Variants in IFT88 observed in about 807,000 individuals in gnomAD.
IFT88 encodes intraflagellar transport protein 88 homolog.
In IFT88, 74 loss-of-function variants were observed where a neutral mutation model predicts 119.5. That is an observed-to-expected ratio of 0.62 (90% CI 0.51 to 0.75). IFT88 has a LOEUF of 0.75. IFT88 is among the 30% of genes least tolerant of loss of function. The pLI is 0.00. For synonymous variants in IFT88, 279 were observed against 316.7 expected, an observed-to-expected ratio of 0.88 and a Z score of 1.26; for missense variants, 961 against 977.7, an observed-to-expected ratio of 0.98 and a Z score of 0.23.
At chr13:20,644,738 A>G in intron 19 of IFT88, 105 bp from the exon 20 acceptor site, 2 of 587,900 alleles carry the variant, frequency 3.4e-6, no homozygotes, top group Non-Finnish European at 6.1e-6. Context: ...TCCTTTATTA[A>G]GAAATTCCAT....
At chr13:20,571,043 G>A (rs1361752440) in intron 1 of IFT88, among the ~76,000 whole-genome samples, 1 of 151,948 alleles carries the variant, frequency 6.6e-6, no homozygotes, top group Non-Finnish European at 1.5e-5. Flanking sequence ...GCCTAGGCAG[G>A]GGTGTGGTGG....
At chr13:20,677,521 C>G (rs1034404544) in intron 24 of IFT88, among the ~76,000 whole-genome samples, 29 of 152,124 alleles carry the variant, frequency 1.9e-4, no homozygotes, top group African/African-American at 6.8e-4. Context: ...GGGACAGGAG[C>G]AAAGGAAGAT....
At chr13:20,626,156 G>T (rs1455856395) in intron 15 of IFT88, among the ~76,000 whole-genome samples, 1 of 129,512 alleles carries the variant, frequency 7.7e-6, no homozygotes, top group East Asian at 2.7e-4. Context: ...TGCCTCCCGG[G>T]TTCACACCAT....
chr13:20,601,988 G>C (rs987546456), intron 12 of IFT88, 55 bp downstream of exon 12: 14 of 1,021,940 alleles, frequency 1.4e-5, no homozygotes, highest in African/African-American at 6.5e-5. Flanking sequence ...GTGCTTTTCT[G>C]TTTTCAGAAT....
intron 24 of IFT88, among the ~76,000 whole-genome samples, chr13:20,690,456 A>G (rs1333766616): frequency 2.0e-5 from 3 of 152,222 alleles, no homozygotes; most frequent in Non-Finnish European, 4.4e-5. Context: ...ATTGAAACCT[A>G]TAAGTAAGCA....
intron 3 of IFT88, among the ~76,000 whole-genome samples, chr13:20,589,419 G>A (rs1021914512): frequency 5.3e-5 from 8 of 152,114 alleles, no homozygotes; most frequent in Admixed American, 1.3e-4. Flanking sequence ...TTAAATAAAG[G>A]TATCTGTTAT....
chr13:20,608,152 G>A, intron 13 of IFT88: 1 of 426,568 alleles, frequency 2.3e-6, no homozygotes, highest in Non-Finnish European at 4.7e-6. Context: ...ACTATGACTT[G>A]TAGAGTCCAG....
At chr13:20,671,329 C>T (rs9506533) in intron 24 of IFT88, among the ~76,000 whole-genome samples, 59,776 of 152,032 alleles carry the variant, frequency 0.39, 13,734 homozygotes, top group Non-Finnish European at 0.52. Context: ...CATAGATGGG[C>T]GTACTTATGA....
At chr13:20,662,881 A>G (rs1369028927) in intron 22 of IFT88, among the ~76,000 whole-genome samples, 1 of 152,202 alleles carries the variant, frequency 6.6e-6, no homozygotes, top group African/African-American at 2.4e-5. Context: ...GAACTAAACA[A>G]TATGTCATCT....
At chr13:20,572,756 C>G (rs2036628153) in intron 1 of IFT88, among the ~76,000 whole-genome samples, 1 of 152,120 alleles carries the variant, frequency 6.6e-6, no homozygotes, top group Non-Finnish European at 1.5e-5. Context: ...AGAAAATTCT[C>G]TCATGTCCCT....
chr13:20,567,743 G>A (rs2035184182), intron 1 of IFT88: 1 of 1,307,708 alleles, frequency 7.6e-7, no homozygotes, highest in African/African-American at 1.5e-5. Context: ...TGCAGAAAGC[G>A]GTACTTAGCC....
At chr13:20,574,250 A>T in intron 1 of IFT88, 130 bp from the exon 2 acceptor site, 1 of 427,504 alleles carries the variant, frequency 2.3e-6, no homozygotes. Flanking sequence ...TGCCAGAGAG[A>T]TCAAGGCTAT....
chr13:20,690,393 G>A (rs1431639208), intron 24 of IFT88, among the ~76,000 whole-genome samples: 1 of 152,092 alleles, frequency 6.6e-6, no homozygotes. Flanking sequence ...GCCTATTTGG[G>A]CAATTATAAG....
intron 8 of IFT88, among the ~76,000 whole-genome samples, 199 bp from the exon 9 acceptor site, chr13:20,596,814 CAT>C (rs1336869139): frequency 4.6e-5 from 7 of 152,156 alleles, no homozygotes; most frequent in African/African-American, 1.7e-4. Context: ...TTTTACTACT[CAT>C]AGAACTGGGG....
chr13:20,599,907 C>T (rs576747897), intron 11 of IFT88, among the ~76,000 whole-genome samples: 15 of 152,076 alleles, frequency 9.9e-5, no homozygotes, highest in Non-Finnish European at 1.6e-4. Context: ...AAATTAAGCT[C>T]CCCTTACGTT....
At chr13:20,668,525 C>T (rs1263482077) in intron 23 of IFT88, among the ~76,000 whole-genome samples, 1 of 152,168 alleles carries the variant, frequency 6.6e-6, no homozygotes, top group Non-Finnish European at 1.5e-5. Context: ...AATGGTACAG[C>T]TATTACAATG....
At chr13:20,598,609 A>G (rs1218856351) in intron 9 of IFT88, 42 bp from the exon 10 acceptor site, 7 of 1,213,532 alleles carry the variant, frequency 5.8e-6, no homozygotes, top group African/African-American at 1.5e-5. Flanking sequence ...AAGGGGCCTA[A>G]AGTGGTCTTA....
intron 3 of IFT88, among the ~76,000 whole-genome samples, chr13:20,585,754 G>C (rs1256606812): frequency 6.6e-6 from 1 of 152,158 alleles, no homozygotes; most frequent in Non-Finnish European, 1.5e-5. Flanking sequence ...AACAACAGAG[G>C]CCAGACCTCT....
At chr13:20,606,995 G>A (rs1394740451) in intron 13 of IFT88, among the ~76,000 whole-genome samples, 2 of 152,314 alleles carry the variant, frequency 1.3e-5, no homozygotes, top group South Asian at 4.1e-4. Context: ...GGCCCAGATG[G>A]GTTTTACTGG....
Sources: allele counts gnomAD v4.1 joint callset (sites outside exome capture counted in the v4.1 genomes callset), GRCh38; gene constraint gnomAD v4.1.1; transcripts MANE v1.5; gene names NCBI Gene and HGNC (gene_info 2026-07-23, HGNC 2026-07-21).